GRIK2: variants seen among roughly 807,000 people sequenced by gnomAD.
The protein encoded by GRIK2 is glutamate ionotropic receptor kainate type subunit 2, also known as glutamate receptor ionotropic, kainate 2.
A neutral mutation model predicts 100.3 loss-of-function variants in GRIK2; 32 were observed. That is an observed-to-expected ratio of 0.32 (90% CI 0.24 to 0.43). The LOEUF is 0.43. Among genes scored for constraint, GRIK2 ranks in the 20% least tolerant of loss-of-function variants. The pLI, the probability that GRIK2 is intolerant of heterozygous loss-of-function variation, is 1.00. For synonymous variants in GRIK2, 417 were observed against 389.4 expected (o/e 1.07, Z -0.83); for missense variants, 843 against 1,114.9 (o/e 0.76, Z 3.47).
intron 10 of GRIK2, among the ~76,000 whole-genome samples, chr6:101,859,037 C>T (rs946969982): frequency 6.6e-6 from 1 of 151,572 alleles, no homozygotes; most frequent in Non-Finnish European, 1.5e-5. Flanking sequence ...ATAAGATATA[C>T]CATATTTTTG....
intron 2 of GRIK2, among the ~76,000 whole-genome samples, chr6:101,549,156 T>G (rs1776390244): frequency 6.6e-6 from 1 of 151,848 alleles, no homozygotes; most frequent in South Asian, 2.1e-4. Flanking sequence ...AGGCACTGAA[T>G]TAGAAGAAGA....
chr6:101,475,349 A>G (rs1197697282), intron 2 of GRIK2, among the ~76,000 whole-genome samples: 1 of 151,978 alleles, frequency 6.6e-6, no homozygotes, highest in African/African-American at 2.4e-5. Context: ...TATTTGTCAG[A>G]GTCCACCGAA....
At chr6:101,509,591 G>A (rs1238655870) in intron 2 of GRIK2, among the ~76,000 whole-genome samples, 2 of 152,178 alleles carry the variant, frequency 1.3e-5, no homozygotes, top group Non-Finnish European at 2.9e-5. Context: ...GTCTGGGATG[G>A]AATTTCTGCC....
intron 2 of GRIK2, among the ~76,000 whole-genome samples, chr6:101,550,606 T>A (rs1345467149): frequency 6.6e-6 from 1 of 152,202 alleles, no homozygotes; most frequent in Non-Finnish European, 1.5e-5. Flanking sequence ...CCTCAGGGGT[T>A]CCGAGCTGTC....
intron 12 of GRIK2, among the ~76,000 whole-genome samples, chr6:101,922,095 CCTT>C (rs1789567521): frequency 1.1e-4 from 2 of 17,528 alleles, no homozygotes; most frequent in African/African-American, 4.8e-4. Flanking sequence ...TTCCTTCCTT[CCTT>C]CCTTCCTTCC....
At chr6:101,930,982 A>G (rs1479899909) in intron 14 of GRIK2, among the ~76,000 whole-genome samples, 1 of 152,186 alleles carries the variant, frequency 6.6e-6, no homozygotes, top group African/African-American at 2.4e-5. Flanking sequence ...AGTGATAATT[A>G]CTAAGTTGAC....
At chr6:101,810,968 T>A (rs531415195) in intron 9 of GRIK2, among the ~76,000 whole-genome samples, 36 of 152,214 alleles carry the variant, frequency 2.4e-4, no homozygotes, top group African/African-American at 8.4e-4. Flanking sequence ...TTCAGTCAAT[T>A]GCAGGAAACA....
In GRIK2 at chr6:101,988,106, T is replaced by A. The variant is rs926681527; in HGVS notation, c.2086-47235T>A. On this transcript the variant is annotated intron_variant, in intron 14 of 16. Coordinates refer to ENST00000369134, the MANE Select transcript of GRIK2 (RefSeq NM_021956.5). Reference sequence around the variant, plus strand: ...CAGTATTATAGTGTGTGTGTGTGTGTGTGTGTGTGTGTGTGTGTGTGTGTG... The same window carrying A: ...CAGTATTATAGTGTGTGTGTGTGTGAGTGTGTGTGTGTGTGTGTGTGTGTG... Among the ~76,000 whole-genome samples, 5 of 37,298 alleles carry A rather than the reference T, an allele frequency of 1.3e-4. No individual in the cohort carries two copies. In the Admixed American group the frequency reaches 1.6e-3, roughly 12 times the overall value. 24.5% of individuals were successfully genotyped at this position (37,298 alleles called of 152,430 possible).
intron 2 of GRIK2, among the ~76,000 whole-genome samples, chr6:101,466,519 T>G (rs1207588490): frequency 6.6e-6 from 1 of 151,992 alleles, no homozygotes; most frequent in African/African-American, 2.4e-5. Context: ...ATTTTTGCAT[T>G]AGTGAAAACA....
At chr6:101,783,694 G>A (rs1779247994) in intron 7 of GRIK2, among the ~76,000 whole-genome samples, 2 of 152,158 alleles carry the variant, frequency 1.3e-5, no homozygotes, top group African/African-American at 4.8e-5. Context: ...ATAGTGATGT[G>A]GACAATGAAG....
At chr6:101,787,768 A>G (rs941436270) in intron 7 of GRIK2, among the ~76,000 whole-genome samples, 4 of 152,152 alleles carry the variant, frequency 2.6e-5, no homozygotes, top group African/African-American at 4.8e-5. Context: ...AGAAGAATGT[A>G]TATTCTGCAG....
chr6:101,693,360 C>A (rs1001938073), intron 7 of GRIK2, among the ~76,000 whole-genome samples: 7 of 151,290 alleles, frequency 4.6e-5, no homozygotes, highest in African/African-American at 1.7e-4. Flanking sequence ...TATGTGACAC[C>A]AACTTATAAA....
At chr6:101,917,237 C>A (rs562332666) in intron 12 of GRIK2, among the ~76,000 whole-genome samples, 1 of 151,752 alleles carries the variant, frequency 6.6e-6, no homozygotes, top group East Asian at 1.9e-4. Flanking sequence ...AATACTCTCT[C>A]ATTTCTGGCT....
chr6:101,964,056 G>A (rs560555201), intron 14 of GRIK2, among the ~76,000 whole-genome samples: 2 of 116,986 alleles, frequency 1.7e-5, no homozygotes, highest in African/African-American at 7.3e-5. Context: ...TGAGATTTGT[G>A]TTTCTTGAAA....
chr6:101,714,865 G>T lies in GRIK2; in HGVS notation c.951+28512G>T, dbSNP rs1213375254. ...GTCTATAATGCAAACAAATTATTAT[G>T]ATATTGAATACACTAAAAATCTGAA... On this transcript the variant is annotated intron_variant, in intron 7 of 16. Coordinates refer to ENST00000369134, the MANE Select transcript of GRIK2 (RefSeq NM_021956.5). Among the ~76,000 whole-genome samples, 3 of 151,604 alleles carry T rather than the reference G, an allele frequency of 2.0e-5. No homozygotes were observed. In the East Asian group the frequency reaches 5.8e-4, roughly 29 times the overall value.
chr6:101,781,734 CCTT>C (rs1779109020), intron 7 of GRIK2, among the ~76,000 whole-genome samples: 1 of 151,936 alleles, frequency 6.6e-6, no homozygotes, highest in Non-Finnish European at 1.5e-5. Context: ...GCTATCTTAT[CCTT>C]CATATGTTCA....
intron 7 of GRIK2, among the ~76,000 whole-genome samples, chr6:101,738,685 AATTTGGCTAGAT>A: frequency 1.3e-5 from 2 of 152,242 alleles, no homozygotes; most frequent in Middle Eastern, 6.8e-3. Flanking sequence ...CACTACTGAC[AATTTGGCTAGAT>A]AACTCTTTGC....
chr6:101,973,514 GT>G (rs1793185918), intron 14 of GRIK2, among the ~76,000 whole-genome samples: 1 of 151,818 alleles, frequency 6.6e-6, no homozygotes, highest in South Asian at 2.1e-4. Context: ...TCAGGAGAAA[GT>G]TTTTTGCTGC....
intron 2 of GRIK2, among the ~76,000 whole-genome samples, chr6:101,611,902 T>A (rs374183130): frequency 7.2e-5 from 11 of 151,828 alleles, no homozygotes; most frequent in African/African-American, 2.4e-4. Flanking sequence ...TCACACAAAA[T>A]TAATTTCAAA....
Sources: allele counts gnomAD v4.1 joint callset (sites outside exome capture counted in the v4.1 genomes callset), GRCh38; gene constraint gnomAD v4.1.1; transcripts MANE v1.5; gene names NCBI Gene and HGNC (gene_info 2026-07-23, HGNC 2026-07-21).